Variants in ARHGAP23 observed in about 807,000 individuals in gnomAD.
ARHGAP23 encodes the protein rho GTPase-activating protein 23.
A neutral mutation model predicts 136.3 loss-of-function variants in ARHGAP23; 34 were observed. That is an observed-to-expected ratio of 0.25 (90% CI 0.19 to 0.33). The LOEUF is 0.33. Ranked by LOEUF, ARHGAP23 falls within the 10% of genes least tolerant of loss-of-function variation. The pLI is 1.00. For missense variants in ARHGAP23, 1,808 were observed against 2,139.0 expected, an observed-to-expected ratio of 0.85 and a Z score of 3.05; for synonymous variants, 832 against 920.5, an observed-to-expected ratio of 0.90 and a Z score of 1.74.
chr17:38,488,079 A>AT (rs951313149), intron 17 of ARHGAP23, among the ~76,000 whole-genome samples: 15 of 150,976 alleles, frequency 9.9e-5, no homozygotes, highest in African/African-American at 3.2e-4. Flanking sequence ...TTAAAAAAAA[A>AT]TTTTTTTTGG....
At chr17:38,421,795 A>T (rs183424257) in intron 1 of ARHGAP23, among the ~76,000 whole-genome samples, 3 of 152,248 alleles carry the variant, frequency 2.0e-5, no homozygotes, top group African/African-American at 7.2e-5. Flanking sequence ...AGGAGAGGGG[A>T]GCAGCTGCAG....
intron 1 of ARHGAP23, among the ~76,000 whole-genome samples, chr17:38,446,181 AT>A (rs5820259): frequency 0.24 from 23,617 of 99,012 alleles, 2,303 homozygotes; most frequent in South Asian, 0.29. Context: ...CACCTGGCTA[AT>A]TTTTTTTTTT....
intron 1 of ARHGAP23, among the ~76,000 whole-genome samples, chr17:38,438,841 G>C (rs547126647): frequency 0.012 from 1,759 of 152,092 alleles, 26 homozygotes; most frequent in Non-Finnish European, 0.017. Flanking sequence ...AAATTAGCTG[G>C]GAGTGGTGGC....
chr17:38,456,398 G>A (rs994489576), intron 1 of ARHGAP23, among the ~76,000 whole-genome samples: 6 of 152,186 alleles, frequency 3.9e-5, no homozygotes, highest in African/African-American at 1.4e-4. Context: ...GACAAAAGGG[G>A]ATGTTGCTAG....
In ARHGAP23 at chr17:38,510,302, C is replaced by G. The variant is rs1251259504; in HGVS notation, c.3806C>G (p.Ala1269Gly). Residue 1269 changes from alanine (A) to glycine (G), a missense_variant, in exon 24 of 24, where the codon GCA becomes GGA. Physicochemically the swap from Ala to Gly is moderately conservative, Grantham distance 60. Transcript: ENST00000622683. The surrounding 1 kb of genome is among the most constrained non-coding windows in gnomAD (Gnocchi z 4.6). ...TGCTCGGGCGCTAGCGGTCGGCGGG[C>G]AGGGGCGGGGGATGAGGCGGACGAC... ...SVCSGASGRRAGAGDEADDER... is the reference protein window; with the variant it reads ...SVCSGASGRRGGAGDEADDER... 7.8e-7 allele frequency: 1 copy of G among 1,283,058 alleles called. No individual in the cohort carries two copies. The highest frequency in any genetic ancestry group is 2.7e-5 in the South Asian group (1 of 37,406). 79.5% of individuals were successfully genotyped at this position (1,283,058 alleles called of 1,614,324 possible).
At chr17:38,486,233 T>C (rs1597826754) in intron 17 of ARHGAP23, 93 bp downstream of exon 17, 1 of 3,000 alleles carries the variant, frequency 3.3e-4, no homozygotes, top group Non-Finnish European at 6.8e-4. Context: ...GGTTTTACTC[T>C]TTTTTTTTTT....
Position 38,510,468 on chromosome 17 carries a change from C to G in ARHGAP23, c.3972C>G (p.Ala1324=). 8.3e-7 allele frequency: 1 copy of G among 1,200,668 alleles called. No homozygotes were observed. The highest frequency in any genetic ancestry group is 3.4e-5 in the East Asian group (1 of 29,302). The allele number at this position is 1,200,668 out of a possible 1,614,324, so 74.4% of individuals were successfully genotyped here. The change falls in exon 24 of 24, where the codon GCC becomes GCG. Residue 1324 remains alanine, a synonymous_variant. Transcript: ENST00000622683. This position sits in a 1 kb window ranked among gnomAD's most constrained non-coding sequence, Gnocchi z 4.6. ...ACACTCTGGCGCGCCGCCGCCTGGC[C>G]CGGGGCCGCCCAGACGGCGAGGGCG... ...PCDTLARRRL[A]RGRPDGEGAG...
At chr17:38,462,813 C>T in intron 3 of ARHGAP23, 33 bp from the exon 4 acceptor site, 1 of 1,446,006 alleles carries the variant, frequency 6.9e-7, no homozygotes, top group South Asian at 1.4e-5. Flanking sequence ...CCTTCCCCAG[C>T]CACCCCCAGC....
chr17:38,503,346 A>G (rs1393890699), intron 23 of ARHGAP23, among the ~76,000 whole-genome samples: 6 of 152,194 alleles, frequency 3.9e-5, no homozygotes, highest in Non-Finnish European at 7.3e-5. Flanking sequence ...TGGCAGGGAA[A>G]GTCTGAGCAG....
intron 1 of ARHGAP23, among the ~76,000 whole-genome samples, chr17:38,436,162 CGGGGG>C (rs1208540837): frequency 6.6e-6 from 1 of 151,854 alleles, no homozygotes; most frequent in African/African-American, 2.4e-5. Flanking sequence ...AGGAGATGGT[CGGGGG>C]GATGTTTGCA....
Position 38,466,325 on chromosome 17 carries a change from A to T in ARHGAP23, c.642A>T (p.Ala214=), listed in dbSNP as rs768764279. The change falls in exon 7 of 24, where the codon GCA becomes GCT. Residue 214 remains alanine, a synonymous_variant. Transcript: ENST00000622683. ...CTATGGTGCCTGAGCCCACCTCAGCACTGCCCAGTGACCCCCGGAGTCCTG... is the reference window on the plus strand; with the variant it reads ...CTATGGTGCCTGAGCCCACCTCAGCTCTGCCCAGTGACCCCCGGAGTCCTG... ...RATMVPEPTS[A]LPSDPRSPAA... 12 of 1,544,872 alleles carry T rather than the reference A, an allele frequency of 7.8e-6. No individual in the cohort carries two copies. The South Asian group carries it at 9.5e-5, about 12-fold the overall frequency.
At chr17:38,486,232 C>T in intron 17 of ARHGAP23, 92 bp downstream of exon 17, 2 of 797,978 alleles carry the variant, frequency 2.5e-6, no homozygotes, top group Admixed American at 2.9e-5. Flanking sequence ...TGGTTTTACT[C>T]TTTTTTTTTT....
intron 1 of ARHGAP23, among the ~76,000 whole-genome samples, chr17:38,435,914 A>T (rs1240257021): frequency 6.6e-6 from 1 of 152,198 alleles, no homozygotes; most frequent in Non-Finnish European, 1.5e-5. Flanking sequence ...GAAGATTCTT[A>T]TAAATCTCCC....
chr17:38,494,382 G>C (rs2040343829), intron 20 of ARHGAP23, among the ~76,000 whole-genome samples: 1 of 152,224 alleles, frequency 6.6e-6, no homozygotes, highest in East Asian at 1.9e-4. Flanking sequence ...CCACGCCAGA[G>C]ACAGATCCCC....
intron 1 of ARHGAP23, among the ~76,000 whole-genome samples, chr17:38,431,693 T>G (rs984368607): frequency 8.6e-5 from 13 of 151,914 alleles, no homozygotes; most frequent in African/African-American, 3.1e-4. Flanking sequence ...TGGGTTGGGG[T>G]GTATTTACCA....
At position 38,467,007 on chromosome 17, in the gene ARHGAP23, C is replaced by T. The variant is rs745473770; in HGVS notation, c.1324C>T (p.Pro442Ser). ...LLHALSFRDSPFGGLPTFNLA... is the reference protein window; with the variant it reads ...LLHALSFRDSSFGGLPTFNLA... ...CCATGCGCTCTCCTTCCGGGACTCACCCTTTGGGGGGCTGCCTACCTTCAA... is the reference window on the plus strand; with the variant it reads ...CCATGCGCTCTCCTTCCGGGACTCATCCTTTGGGGGGCTGCCTACCTTCAA... Residue 442 changes from proline (P) to serine (S), a missense_variant, in exon 7 of 24, where the codon CCC becomes TCC. Pro to Ser is a moderately conservative substitution (Grantham distance 74, BLOSUM62 -1). Around this residue, in one of 7 missense-constraint regions of ARHGAP23, gnomAD observed 859 missense variants for 936.4 expected, o/e 0.92. Transcript: ENST00000622683. 4.5e-6 allele frequency: 7 copies of T among 1,550,662 alleles called. No homozygotes were observed. The highest frequency in any genetic ancestry group is 3.6e-5 in the South Asian group (3 of 84,072).
intron 11 of ARHGAP23, among the ~76,000 whole-genome samples, chr17:38,476,213 G>A (rs570954096): frequency 7.9e-5 from 12 of 152,344 alleles, no homozygotes; most frequent in African/African-American, 2.9e-4. Flanking sequence ...TGCTGCTGGA[G>A]AATGGTTGCA....
chr17:38,481,448 A>G (rs2144717351), intron 14 of ARHGAP23, among the ~76,000 whole-genome samples: 1 of 152,284 alleles, frequency 6.6e-6, no homozygotes, highest in East Asian at 1.9e-4. Context: ...CGCCCGGCCC[A>G]CGCCCGGCTA....
At chr17:38,485,075 C>CGACCCGGCCGTTA (rs969029461) in intron 16 of ARHGAP23, among the ~76,000 whole-genome samples, 7 of 152,106 alleles carry the variant, frequency 4.6e-5, no homozygotes, top group Non-Finnish European at 8.8e-5. Flanking sequence ...GAAGGGACAA[C>CGACCCGGCCGTTA]GACCCGGCCG....
Sources: allele counts gnomAD v4.1 joint callset (sites outside exome capture counted in the v4.1 genomes callset), GRCh38; gene constraint gnomAD v4.1.1; regional missense constraint gnomAD v4.1.1; non-coding constraint Gnocchi (gnomAD v3.1); transcripts MANE v1.5; gene names NCBI Gene and HGNC (gene_info 2026-07-23, HGNC 2026-07-21).